The following MICAL2 variants were observed in gnomAD, a reference collection of about 807,000 sequenced individuals.
MICAL2 encodes the protein microtubule associated monooxygenase, calponin and LIM domain containing 2, also known as [F-actin]-monooxygenase MICAL2.
In MICAL2, 77 loss-of-function variants were observed where a neutral mutation model predicts 127.3. That is an observed-to-expected ratio of 0.60 (90% CI 0.50 to 0.73). The LOEUF (loss-of-function observed/expected upper bound fraction) is 0.73, where lower values mean the gene tolerates loss of function less well. Among genes scored for constraint, MICAL2 ranks in the 30% least tolerant of loss-of-function variants. MICAL2 has a pLI of 0.00. For missense variants in MICAL2, 1,351 were observed against 1,434.4 expected, an observed-to-expected ratio of 0.94 and a Z score of 0.94; for synonymous variants, 570 against 551.1, an observed-to-expected ratio of 1.03 and a Z score of -0.48.
At chr11:12,138,215 C>T (rs1011834026) in intron 1 of MICAL2, among the ~76,000 whole-genome samples, 175 bp from the exon 2 acceptor site, 1 of 152,126 alleles carries the variant, frequency 6.6e-6, no homozygotes, top group Non-Finnish European at 1.5e-5. Flanking sequence ...CCTTTCTTCA[C>T]GTGCAAAACT....
chr11:12,140,339 A>G (rs1172480903), intron 2 of MICAL2, among the ~76,000 whole-genome samples: 1 of 152,212 alleles, frequency 6.6e-6, no homozygotes, highest in Non-Finnish European at 1.5e-5. Context: ...TGCCCAAGGC[A>G]ATGCAGCTGT....
intron 29 of MICAL2, among the ~76,000 whole-genome samples, chr11:12,302,789 A>T (rs1353433357): frequency 6.6e-6 from 1 of 152,164 alleles, no homozygotes; most frequent in Admixed American, 6.5e-5. Flanking sequence ...CAGCCTCCCA[A>T]GTTAGCAGGG....
chr11:12,180,966 T>C (rs1324238620), intron 3 of MICAL2, among the ~76,000 whole-genome samples: 1 of 146,156 alleles, frequency 6.8e-6, no homozygotes, highest in Non-Finnish European at 1.5e-5. Context: ...TTTGCTCTTT[T>C]GCTCAGGCTG....
rs757581306 is a variant in MICAL2 at position 12,257,004 on chromosome 11, T to C, written c.3142+33T>C. 1.1e-5 allele frequency: 18 copies of C among 1,581,942 alleles called. No individual in the cohort carries two copies. In the South Asian group the frequency reaches 2.1e-4, roughly 18 times the overall value. Reference sequence around the variant, plus strand: ...CAGGGGCCAGGGCAGCACTGGGCTCTGGCCTTGGCCTCAGGTGTGACCTTG... The same window carrying C: ...CAGGGGCCAGGGCAGCACTGGGCTCCGGCCTTGGCCTCAGGTGTGACCTTG... On this transcript the variant is annotated intron_variant, in intron 24 of 27. Coordinates refer to ENST00000683283, the MANE Select transcript of MICAL2 (RefSeq NM_001282663.2).
intron 31 of MICAL2, among the ~76,000 whole-genome samples, chr11:12,324,917 G>A (rs1021511947): frequency 3.9e-5 from 6 of 152,124 alleles, no homozygotes; most frequent in Non-Finnish European, 8.8e-5. Flanking sequence ...TTGAAACACT[G>A]CAACTTTTCC....
At chr11:12,294,724 G>A (rs912832456), downstream of MICAL2, 5 of 1,613,964 alleles carry the variant, frequency 3.1e-6, no homozygotes, top group Non-Finnish European at 1.7e-6. Flanking sequence ...AGAGGAAGGT[G>A]CTGCCTGAAG....
In MICAL2 at chr11:12,329,814, A is replaced by G. The variant is rs138857577; in HGVS notation, c.5515+2548A>G. Among the ~76,000 whole-genome samples, 6 of 151,192 alleles carry G rather than the reference A, an allele frequency of 4.0e-5. No homozygotes were observed. The East Asian group carries it at 9.8e-4, about 25-fold the overall frequency. On this transcript the variant is annotated intron_variant, in intron 32 of 34. Coordinates refer to the MICAL2 transcript ENST00000646065. ...ACTGCTTGAAATTTAAATGATAGAA[A>G]CCAAAATTGTAAAGCATCTTCTGAA...
downstream of MICAL2, chr11:12,293,833 C>T: frequency 6.2e-7 from 1 of 1,605,786 alleles, no homozygotes; most frequent in Non-Finnish European, 8.5e-7. Flanking sequence ...CACACCCCAT[C>T]TGGGGGAAGG....
chr11:12,140,060 A>T (rs900920312), intron 2 of MICAL2, among the ~76,000 whole-genome samples: 1 of 152,120 alleles, frequency 6.6e-6, no homozygotes, highest in African/African-American at 2.4e-5. Context: ...TGCCAGTTTC[A>T]TCTCCATTGG....
intron 30 of MICAL2, among the ~76,000 whole-genome samples, chr11:12,321,270 T>C (rs1458963910): frequency 6.6e-6 from 1 of 152,158 alleles, no homozygotes; most frequent in East Asian, 1.9e-4. Flanking sequence ...AAGATTTCTT[T>C]TTTCCAAGTT....
At position 12,311,401 on chromosome 11, in the gene MICAL2, ATTTAT is replaced by A. The variant is rs150154321; in HGVS notation, c.5213-8271_5213-8267del. Among the ~76,000 whole-genome samples the A allele has an allele frequency of 4.8e-3, 717 of 150,300 alleles. 10 individuals carry two copies. The highest frequency in any genetic ancestry group is 0.017 in the African/African-American group (695 of 40,756). ...TTTTGGTTGGTGTTGTTGGTTTCTT[ATTTAT>A]TTTATTTTATTTTATTTTATTTTGA... On this transcript the variant is annotated intron_variant, in intron 29 of 34. Transcript: ENST00000646065.
intron 32 of MICAL2, among the ~76,000 whole-genome samples, chr11:12,330,562 G>T (rs1201373136): frequency 2.0e-5 from 3 of 152,074 alleles, no homozygotes; most frequent in Admixed American, 6.6e-5. Context: ...ACATGCGGGG[G>T]TGCGGGATGG....
chr11:12,227,165 A>G, intron 15 of MICAL2, 34 bp downstream of exon 15: 2 of 1,429,530 alleles, frequency 1.4e-6, no homozygotes, highest in South Asian at 1.1e-5. Context: ...TTTATTTCCC[A>G]TTGCACATGG....
intron 11 of MICAL2, 22 bp downstream of exon 11, chr11:12,222,765 T>C: frequency 3.1e-6 from 5 of 1,613,922 alleles, no homozygotes; most frequent in Non-Finnish European, 4.2e-6. Context: ...GCTGGGGCTC[T>C]GTCTGAATCA....
At chr11:12,165,543 A>G (rs1264632888) in intron 3 of MICAL2, among the ~76,000 whole-genome samples, 2 of 152,266 alleles carry the variant, frequency 1.3e-5, no homozygotes, top group Admixed American at 1.3e-4. Flanking sequence ...CTGGTTAGCC[A>G]TAGGCAGAGC....
At chr11:12,350,676 G>A (rs897374362) in intron 33 of MICAL2, among the ~76,000 whole-genome samples, 5 of 152,242 alleles carry the variant, frequency 3.3e-5, no homozygotes, top group Admixed American at 6.5e-5. Flanking sequence ...CAAGTCAATA[G>A]AGGGAACATC....
At chr11:12,332,380 G>T (rs1938658987) in intron 32 of MICAL2, among the ~76,000 whole-genome samples, 1 of 152,176 alleles carries the variant, frequency 6.6e-6, no homozygotes, top group Admixed American at 6.5e-5. Flanking sequence ...AGGTAGCCAT[G>T]AACACAGAAA....
chr11:12,119,395 T>C (rs573279322), intron 1 of MICAL2, among the ~76,000 whole-genome samples: 1 of 152,246 alleles, frequency 6.6e-6, no homozygotes, highest in Non-Finnish European at 1.5e-5. Context: ...ATCGCTCTTA[T>C]GCTCTATCCA....
intron 2 of MICAL2, among the ~76,000 whole-genome samples, chr11:12,148,358 A>G (rs1853183358): frequency 6.6e-6 from 1 of 152,108 alleles, no homozygotes; most frequent in African/African-American, 2.4e-5. Flanking sequence ...GAGCCTAACA[A>G]GGAAGAGAGG....
Sources: gnomAD v4.1 joint callset for allele counts (sites outside exome capture counted in the v4.1 genomes callset) on GRCh38, gnomAD v4.1.1 for gene constraint, MANE v1.5 for transcripts, NCBI Gene and HGNC (gene_info 2026-07-23, HGNC 2026-07-21) for gene names.